Variants in DLGAP1 observed in about 807,000 individuals in gnomAD.
DLGAP1 encodes the protein DLG associated protein 1.
DLGAP1 carries 11 observed loss-of-function variants against 90.8 expected under a neutral mutation model. That is an observed-to-expected ratio of 0.12 (90% CI 0.08 to 0.20). The LOEUF (loss-of-function observed/expected upper bound fraction) is 0.20, where lower values mean the gene tolerates loss of function less well. Ranked by LOEUF, DLGAP1 falls within the 10% of genes least tolerant of loss-of-function variation. The pLI is 1.00. For missense variants in DLGAP1, 1,050 were observed against 1,333.8 expected, an observed-to-expected ratio of 0.79 and a Z score of 3.31; for synonymous variants, 558 against 540.7, an observed-to-expected ratio of 1.03 and a Z score of -0.44.
intron 4 of DLGAP1, among the ~76,000 whole-genome samples, chr18:3,867,667 T>C (rs980376505): frequency 1.3e-5 from 2 of 152,154 alleles, no homozygotes; most frequent in South Asian, 4.1e-4. Context: ...AGAAGGGCTG[T>C]TGGGAGGAGA....
chr18:4,286,834 C>T (rs993611715), intron 1 of DLGAP1, among the ~76,000 whole-genome samples: 1 of 152,010 alleles, frequency 6.6e-6, no homozygotes, highest in Non-Finnish European at 1.5e-5. Context: ...GATAAATAGA[C>T]AAGAATATGA....
rs2051709044 is a variant in DLGAP1, at chr18:3,527,418, T to TTTTTG, written c.2479+6775_2479+6776insCAAAA. 2.0e-5 allele frequency among the ~76,000 whole-genome samples: 3 copies of TTTTTG among 147,408 alleles called. 1 individual carries two copies. The highest frequency in any genetic ancestry group is 4.5e-5 in the Non-Finnish European group (3 of 66,942). ...ACAGGTTATTTTCCAAACTTTTTTT[T>TTTTTG]TTTTTTTTTTTTTTGCCATGGATGC... On this transcript the variant is annotated intron_variant, in intron 10 of 12. Coordinates refer to ENST00000315677, the MANE Select transcript of DLGAP1 (RefSeq NM_004746.4).
At chr18:4,036,212 G>T (rs1220651095) in intron 2 of DLGAP1, among the ~76,000 whole-genome samples, 1 of 152,110 alleles carries the variant, frequency 6.6e-6, no homozygotes, top group Non-Finnish European at 1.5e-5. Context: ...AACACAGCTG[G>T]CCATCAATTT....
intron 3 of DLGAP1, among the ~76,000 whole-genome samples, chr18:3,997,664 T>A (rs913583832): frequency 6.6e-6 from 1 of 151,778 alleles, no homozygotes; most frequent in African/African-American, 2.4e-5. Flanking sequence ...CAAATATAAT[T>A]TAAAATTTTA....
At chr18:4,252,784 T>C (rs2078810394) in intron 1 of DLGAP1, among the ~76,000 whole-genome samples, 1 of 152,172 alleles carries the variant, frequency 6.6e-6, no homozygotes. Flanking sequence ...TTGCCCCAGA[T>C]GTCAGATTAT....
intron 1 of DLGAP1, among the ~76,000 whole-genome samples, chr18:4,355,333 G>T (rs2081485620): frequency 6.6e-6 from 1 of 152,208 alleles, no homozygotes; most frequent in East Asian, 1.9e-4. Context: ...ATTATACTGT[G>T]TGTTAAAAGT....
chr18:4,016,460 T>C (rs970618944), intron 2 of DLGAP1, among the ~76,000 whole-genome samples: 2 of 152,186 alleles, frequency 1.3e-5, no homozygotes, highest in Non-Finnish European at 2.9e-5. Flanking sequence ...TTGTGTACAT[T>C]CTTTGGGAGA....
At chr18:3,892,475 C>A (rs1056950594) in intron 3 of DLGAP1, among the ~76,000 whole-genome samples, 1 of 152,188 alleles carries the variant, frequency 6.6e-6, no homozygotes, top group Non-Finnish European at 1.5e-5. Flanking sequence ...ATTCTCTATA[C>A]AAATTCTTAT....
intron 1 of DLGAP1, among the ~76,000 whole-genome samples, chr18:4,304,896 A>G (rs952575361): frequency 6.6e-6 from 1 of 151,278 alleles, no homozygotes; most frequent in Non-Finnish European, 1.5e-5. Flanking sequence ...GCACCACTGC[A>G]CTCCAGCCTG....
chr18:3,917,352 C>G (rs916650473), intron 3 of DLGAP1, among the ~76,000 whole-genome samples: 3 of 152,214 alleles, frequency 2.0e-5, no homozygotes, highest in African/African-American at 7.2e-5. Flanking sequence ...CAGTCAGCAG[C>G]ATTCCAGCTC....
intron 7 of DLGAP1, among the ~76,000 whole-genome samples, chr18:3,630,604 C>A (rs931098234): frequency 7.9e-5 from 12 of 152,162 alleles, no homozygotes; most frequent in African/African-American, 2.9e-4. Flanking sequence ...ATAAATACTC[C>A]TCAGTGACAG....
rs535520904 is a variant in DLGAP1 at position 3,856,925 on chromosome 18, A to G, written c.957+22187T>C. 2.6e-5 allele frequency among the ~76,000 whole-genome samples: 4 copies of G among 152,236 alleles called. No individual in the cohort carries two copies. In the East Asian group the frequency reaches 5.8e-4, roughly 22 times the overall value. On this transcript the variant is annotated intron_variant, in intron 4 of 12. Transcript: ENST00000315677. ...TCATGCTACATCCATAGAGGACTTC[A>G]GTATATAGTATGAAGAAAGTGCTTG...
chr18:4,285,868 G>A (rs2079677321), intron 1 of DLGAP1, among the ~76,000 whole-genome samples: 1 of 152,284 alleles, frequency 6.6e-6, no homozygotes. Context: ...TGTTAACCCA[G>A]GTTACAGTTC....
chr18:4,322,811 AT>A, intron 1 of DLGAP1, among the ~76,000 whole-genome samples: 1 of 152,108 alleles, frequency 6.6e-6, no homozygotes, highest in Non-Finnish European at 1.5e-5. Flanking sequence ...AAATACAAAA[AT>A]TAGCCAGGCG....
chr18:4,240,854 G>A (rs1195178068), intron 1 of DLGAP1, among the ~76,000 whole-genome samples: 1 of 152,172 alleles, frequency 6.6e-6, no homozygotes, highest in East Asian at 1.9e-4. Flanking sequence ...AAAGTTCCAT[G>A]TGGTTACTAT....
chr18:3,884,995 A>T (rs1316435589), intron 3 of DLGAP1, among the ~76,000 whole-genome samples: 4 of 152,212 alleles, frequency 2.6e-5, no homozygotes, highest in African/African-American at 9.6e-5. Flanking sequence ...TCGTCTTGTC[A>T]TTTTAAAATG....
At chr18:3,809,408 C>G (rs924300152) in intron 5 of DLGAP1, among the ~76,000 whole-genome samples, 10 of 152,080 alleles carry the variant, frequency 6.6e-5, no homozygotes, top group African/African-American at 2.2e-4. Flanking sequence ...AACAAACAAA[C>G]AAAGGTTCAG....
intron 4 of DLGAP1, among the ~76,000 whole-genome samples, chr18:3,839,320 G>A (rs1471779748): frequency 1.3e-5 from 2 of 152,102 alleles, no homozygotes; most frequent in Admixed American, 1.3e-4. Flanking sequence ...GTCTCTAGGG[G>A]GTCTACTGTC....
At chr18:3,515,217 T>C (rs1017668355) in intron 10 of DLGAP1, among the ~76,000 whole-genome samples, 9 of 152,072 alleles carry the variant, frequency 5.9e-5, no homozygotes, top group Non-Finnish European at 1.3e-4. Context: ...ACGCCTGTAA[T>C]CCCAGCACTT....
Sources: gnomAD v4.1 joint callset for allele counts (sites outside exome capture counted in the v4.1 genomes callset) on GRCh38, gnomAD v4.1.1 for gene constraint, MANE v1.5 for transcripts, NCBI Gene and HGNC (gene_info 2026-07-23, HGNC 2026-07-21) for gene names.